Variants in ENTREP2 observed in about 807,000 individuals in gnomAD.
ENTREP2 encodes the protein protein ENTREP2.
the ENTREP2 span, among the ~76,000 whole-genome samples, chr15:29,469,850 G>A: frequency 6.6e-6 from 1 of 152,072 alleles, no homozygotes; most frequent in African/African-American, 2.4e-5. Context: ...GGACCCAGCA[G>A]GTCCCCCGTA....
the ENTREP2 span, among the ~76,000 whole-genome samples, chr15:29,406,198 C>T: frequency 1.3e-5 from 2 of 152,182 alleles, no homozygotes; most frequent in African/African-American, 4.8e-5. Flanking sequence ...ACAAAATACT[C>T]ATGACCTATT....
chr15:29,465,659 T>C, the ENTREP2 span, among the ~76,000 whole-genome samples: 1 of 152,222 alleles, frequency 6.6e-6, no homozygotes, highest in Non-Finnish European at 1.5e-5. Context: ...AATTGTATGG[T>C]CCATTATAAA....
At chr15:29,215,550 GAATT>G in the ENTREP2 span, among the ~76,000 whole-genome samples, 2 of 147,936 alleles carry the variant, frequency 1.4e-5, no homozygotes, top group Admixed American at 6.9e-5. Context: ...GTAATAATGT[GAATT>G]AATAATAAAC....
chr15:29,275,703 A>G, the ENTREP2 span, among the ~76,000 whole-genome samples: 7 of 152,248 alleles, frequency 4.6e-5, no homozygotes, highest in Middle Eastern at 3.2e-3. Flanking sequence ...GCCTGCCAAG[A>G]AACTCTAATC....
the ENTREP2 span, among the ~76,000 whole-genome samples, chr15:29,250,673 G>T: frequency 6.6e-6 from 1 of 152,130 alleles, no homozygotes. Context: ...ACTGGAAAAT[G>T]AGAGTCTAAG....
At chr15:29,475,805 C>T in the ENTREP2 span, among the ~76,000 whole-genome samples, 227 of 152,312 alleles carry the variant, frequency 1.5e-3, no homozygotes, top group African/African-American at 5.2e-3. Context: ...CCATGGCACA[C>T]CCTCTCCAGG....
the ENTREP2 span, among the ~76,000 whole-genome samples, chr15:29,246,665 A>G: frequency 6.6e-6 from 1 of 151,670 alleles, no homozygotes; most frequent in African/African-American, 2.4e-5. Context: ...GCGCCATTGC[A>G]CTCCTCCAGC....
chr15:29,318,913 T>A, the ENTREP2 span, among the ~76,000 whole-genome samples: 1 of 152,206 alleles, frequency 6.6e-6, no homozygotes, highest in East Asian at 1.9e-4. Context: ...CAGGAACATC[T>A]ACCATCACAT....
At chr15:29,146,938 G>GAA in the ENTREP2 span, among the ~76,000 whole-genome samples, 4 of 145,290 alleles carry the variant, frequency 2.8e-5, no homozygotes, top group African/African-American at 7.5e-5. Context: ...CCATCTTGGG[G>GAA]AAAAAAAAAA....
the ENTREP2 span, among the ~76,000 whole-genome samples, chr15:29,489,721 G>A: frequency 2.0e-5 from 3 of 152,168 alleles, no homozygotes; most frequent in African/African-American, 7.2e-5. Flanking sequence ...CTATGAAGGA[G>A]AACTTAACAG....
chr15:29,344,652 G>A, the ENTREP2 span, among the ~76,000 whole-genome samples: 1 of 152,012 alleles, frequency 6.6e-6, no homozygotes, highest in African/African-American at 2.4e-5. Context: ...CACCAGAGGT[G>A]GAGTGGGGAG....
At chr15:29,590,448 C>T in the ENTREP2 span, among the ~76,000 whole-genome samples, 1 of 151,856 alleles carries the variant, frequency 6.6e-6, no homozygotes, top group Non-Finnish European at 1.5e-5. Flanking sequence ...TTTGCGAGGC[C>T]GAGGTGGGCA....
chr15:29,223,452 T>C, the ENTREP2 span, among the ~76,000 whole-genome samples: 2 of 152,166 alleles, frequency 1.3e-5, no homozygotes, highest in Admixed American at 1.3e-4. Context: ...CTGTCATATC[T>C]GCACCTGTGA....
the ENTREP2 span, among the ~76,000 whole-genome samples, chr15:29,625,295 ACT>A: frequency 6.6e-6 from 1 of 152,060 alleles, no homozygotes; most frequent in Non-Finnish European, 1.5e-5. Flanking sequence ...GGTTGTTTCC[ACT>A]GTTTGGTTAT....
chr15:29,653,273 G>A, the ENTREP2 span, among the ~76,000 whole-genome samples: 1 of 152,180 alleles, frequency 6.6e-6, no homozygotes, highest in African/African-American at 2.4e-5. Context: ...ATCAGAGTAA[G>A]ACCCAATGAC....
the ENTREP2 span, among the ~76,000 whole-genome samples, chr15:29,618,740 T>A: frequency 7.7e-6 from 1 of 130,558 alleles, no homozygotes; most frequent in Middle Eastern, 3.9e-3. Context: ...CTGCCAGCAG[T>A]GTGCCCTGAA....
the ENTREP2 span, among the ~76,000 whole-genome samples, chr15:29,475,203 A>G: frequency 2.6e-5 from 4 of 152,224 alleles, no homozygotes; most frequent in South Asian, 4.1e-4. Flanking sequence ...ACAGATGCCA[A>G]TAATCACTGC....
chr15:29,592,554 G>A, the ENTREP2 span, among the ~76,000 whole-genome samples: 2 of 152,230 alleles, frequency 1.3e-5, no homozygotes, highest in East Asian at 1.9e-4. Context: ...GAGCCCTCAG[G>A]GCCTAATTCC....
chr15:29,419,665 A>G, the ENTREP2 span, among the ~76,000 whole-genome samples: 2 of 152,222 alleles, frequency 1.3e-5, no homozygotes, highest in African/African-American at 2.4e-5. Context: ...AAACCTAAAT[A>G]AAAGGAAAAA....
Sources: gnomAD v4.1 joint callset for allele counts (sites outside exome capture counted in the v4.1 genomes callset) on GRCh38, gnomAD v4.1.1 for gene constraint, MANE v1.5 for transcripts, NCBI Gene and HGNC (gene_info 2026-07-23, HGNC 2026-07-21) for gene names.